The following CECR2 variants were observed in gnomAD, a reference collection of about 807,000 sequenced individuals.
CECR2 encodes chromatin remodeling regulator CECR2.
In CECR2, 30 loss-of-function variants were observed where a neutral mutation model predicts 154.5. The ratio of observed to expected loss-of-function variants is 0.19; its 90% CI spans 0.15 to 0.26. The LOEUF (loss-of-function observed/expected upper bound fraction) is 0.26, where lower values mean the gene tolerates loss of function less well. Ranked by LOEUF, CECR2 falls within the 10% of genes least tolerant of loss-of-function variation. CECR2 has a pLI of 1.00. For synonymous variants in CECR2, 725 were observed against 683.7 expected, an observed-to-expected ratio of 1.06 and a Z score of -0.94; for missense variants, 1,743 against 1,829.3, an observed-to-expected ratio of 0.95 and a Z score of 0.86.
At chr22:17,382,634 G>A (rs1168591679) in intron 1 of CECR2, among the ~76,000 whole-genome samples, 1 of 152,244 alleles carries the variant, frequency 6.6e-6, no homozygotes, top group African/African-American at 2.4e-5. Flanking sequence ...GCTGGGCACA[G>A]TGGCTCACGC....
In CECR2 at chr22:17,553,141, T is replaced by A. The variant is rs1391846285; in HGVS notation, c.*301T>A. 2.7e-6 allele frequency: 1 copy of A among 375,050 alleles called. No homozygotes were observed. Among genetic ancestry groups the A allele is most frequent in the African/African-American group, 2.1e-5 (1 of 47,236 alleles). The allele number at this position is 375,050 out of a possible 1,614,324, so 23.2% of individuals were successfully genotyped here. On this transcript the variant is annotated 3_prime_UTR_variant, in exon 19 of 19. Transcript: ENST00000262608. ...ACTTTTCCAAATCCTGAGACACTTT[T>A]CAGGGAAAATCACTTTAAACTTGGG... is the stretch of plus-strand genomic sequence containing the variant.
intron 1 of CECR2, among the ~76,000 whole-genome samples, chr22:17,464,951 CTA>C (rs1281323735): frequency 6.6e-6 from 1 of 151,758 alleles, no homozygotes; most frequent in Admixed American, 6.6e-5. Flanking sequence ...GGTATTTGAC[CTA>C]TAGGTAGGTG....
At chr22:17,497,790 G>A (rs968400688) in intron 3 of CECR2, among the ~76,000 whole-genome samples, 2 of 152,148 alleles carry the variant, frequency 1.3e-5, no homozygotes, top group African/African-American at 4.8e-5. Context: ...ATGGAAGTAC[G>A]TTATTTTGGT....
intron 1 of CECR2, among the ~76,000 whole-genome samples, chr22:17,361,375 A>G (rs987855989): frequency 1.3e-5 from 2 of 151,720 alleles, no homozygotes; most frequent in Admixed American, 1.3e-4. Context: ...AATCTCAGCT[A>G]CTCAGGAGGC....
At chr22:17,507,026 T>C (rs954073200) in intron 7 of CECR2, among the ~76,000 whole-genome samples, 1 of 152,234 alleles carries the variant, frequency 6.6e-6, no homozygotes, top group African/African-American at 2.4e-5. Context: ...ATAATATTTC[T>C]GATTATTGAT....
chr22:17,528,135 G>A (rs1281222324), intron 9 of CECR2, among the ~76,000 whole-genome samples: 1 of 152,202 alleles, frequency 6.6e-6, no homozygotes, highest in Non-Finnish European at 1.5e-5. Flanking sequence ...GTTCACAATA[G>A]CCAAGATTTG....
chr22:17,443,065 T>G (rs1449283396), intron 1 of CECR2, among the ~76,000 whole-genome samples: 2 of 152,228 alleles, frequency 1.3e-5, no homozygotes, highest in African/African-American at 4.8e-5. Flanking sequence ...AGTCTGCCAG[T>G]GGTATGTCCT....
chr22:17,393,311 G>A (rs779279698), intron 1 of CECR2, among the ~76,000 whole-genome samples: 1 of 152,082 alleles, frequency 6.6e-6, no homozygotes, highest in Non-Finnish European at 1.5e-5. Context: ...TTAGCATAAT[G>A]TTTTTAGGTT....
intron 1 of CECR2, among the ~76,000 whole-genome samples, chr22:17,450,685 A>T (rs550136279): frequency 4.5e-4 from 69 of 152,314 alleles, no homozygotes; most frequent in African/African-American, 1.6e-3. Context: ...CTTCTATTTA[A>T]TAATAGTACA....
intron 1 of CECR2, among the ~76,000 whole-genome samples, chr22:17,392,696 A>AT (rs952701278): frequency 1.3e-5 from 2 of 151,176 alleles, no homozygotes; most frequent in Non-Finnish European, 2.9e-5. Flanking sequence ...AAAAAAAAAA[A>AT]CAGCTTTATT....
At chr22:17,425,619 T>G (rs886491417) in intron 1 of CECR2, among the ~76,000 whole-genome samples, 6 of 152,146 alleles carry the variant, frequency 3.9e-5, no homozygotes, top group African/African-American at 1.4e-4. Context: ...GAGTTAAATG[T>G]TGAAGAAGCA....
rs1202697647 is a variant in CECR2, at chr22:17,553,815, C to T, written c.*975C>T. ...GAAGATGAATCGTCCTCATCACAGA[C>T]CTCCCTGTCAGGACTGTGATCTAGA... On this transcript the variant is annotated 3_prime_UTR_variant, in exon 19 of 19. Coordinates refer to ENST00000262608, the MANE Select transcript of CECR2 (RefSeq NM_001290047.2). 1 of 152,212 alleles carries T rather than the reference C, an allele frequency of 6.6e-6. No individual in the cohort carries two copies. The highest frequency in any genetic ancestry group is 1.5e-5 in the Non-Finnish European group (1 of 68,048). 9.4% of individuals were successfully genotyped at this position (152,212 alleles called of 1,614,324 possible).
intron 1 of CECR2, among the ~76,000 whole-genome samples, chr22:17,423,609 C>T (rs143179900): frequency 6.6e-6 from 1 of 152,282 alleles, no homozygotes; most frequent in African/African-American, 2.4e-5. Context: ...TTTTCTGATA[C>T]TCACCATGAT....
intron 1 of CECR2, among the ~76,000 whole-genome samples, chr22:17,439,361 A>G (rs2054551693): frequency 1.3e-5 from 2 of 152,196 alleles, no homozygotes. Context: ...GTGGTAGACC[A>G]TAGCTTACTA....
At chr22:17,467,509 T>C (rs2522290) in intron 1 of CECR2, among the ~76,000 whole-genome samples, 19,956 of 151,900 alleles carry the variant, frequency 0.13, 1,426 homozygotes, top group East Asian at 0.23. Context: ...AGGTCCCGGG[T>C]GCGGTGGCTC....
chr22:17,456,847 C>G (rs993208318), intron 1 of CECR2, among the ~76,000 whole-genome samples: 1 of 152,130 alleles, frequency 6.6e-6, no homozygotes, highest in Non-Finnish European at 1.5e-5. Context: ...TATATTGTTA[C>G]TCTTCTACAT....
At position 17,539,132 on chromosome 22, in the gene CECR2, G is replaced by A. The variant is rs116033717; in HGVS notation, c.1495+13G>A. The A allele has an allele frequency of 0.016, 26,186 of 1,611,252 alleles. 297 individuals carry two copies. Among genetic ancestry groups the A allele is most frequent in the Middle Eastern group, 0.049 (298 of 6,056 alleles). On this transcript the variant is annotated intron_variant, in intron 13 of 18. Coordinates refer to ENST00000262608, the MANE Select transcript of CECR2 (RefSeq NM_001290047.2). Reference sequence around the variant, plus strand: ...GGGGAAAGTAGTGGTAAGCAGGGAAGGAGTTTGTGCTAGATACATATCTGT... The same window carrying A: ...GGGGAAAGTAGTGGTAAGCAGGGAAAGAGTTTGTGCTAGATACATATCTGT...
At chr22:17,456,764 C>T (rs1056439899) in intron 1 of CECR2, among the ~76,000 whole-genome samples, 1 of 152,098 alleles carries the variant, frequency 6.6e-6, no homozygotes, top group Non-Finnish European at 1.5e-5. Flanking sequence ...TACAGCATCA[C>T]GATATGGAGA....
chr22:17,490,734 C>T (rs1601447619), intron 2 of CECR2, among the ~76,000 whole-genome samples: 1 of 152,260 alleles, frequency 6.6e-6, no homozygotes, highest in East Asian at 1.9e-4. Context: ...CAGGCATGAG[C>T]CACCATGCCA....
Sources: gnomAD v4.1 joint callset for allele counts (sites outside exome capture counted in the v4.1 genomes callset) on GRCh38, gnomAD v4.1.1 for gene constraint, MANE v1.5 for transcripts, NCBI Gene and HGNC (gene_info 2026-07-23, HGNC 2026-07-21) for gene names.